The following CNTNAP2 variants were observed in gnomAD, a reference collection of about 807,000 sequenced individuals.
CNTNAP2 encodes the protein contactin-associated protein-like 2.
CNTNAP2 carries 98 observed loss-of-function variants against 155.2 expected under a neutral mutation model. The ratio of observed to expected loss-of-function variants is 0.63; its 90% CI spans 0.54 to 0.75. The LOEUF is 0.75. Among genes scored for constraint, CNTNAP2 ranks in the 30% least tolerant of loss-of-function variants. The pLI is 0.00. For synonymous variants in CNTNAP2, 651 were observed against 631.2 expected (o/e 1.03, Z -0.47); for missense variants, 1,727 against 1,688.1 (o/e 1.02, Z -0.40).
At chr7:146,132,132 G>A (rs1459811968) in intron 1 of CNTNAP2, among the ~76,000 whole-genome samples, 2 of 152,242 alleles carry the variant, frequency 1.3e-5, no homozygotes, top group African/African-American at 2.4e-5. Flanking sequence ...CTGTATCTCA[G>A]ATTGTATCTG....
intron 14 of CNTNAP2, among the ~76,000 whole-genome samples, chr7:147,965,600 A>G (rs7789579): frequency 0.1 from 15,627 of 151,496 alleles, 1,055 homozygotes; most frequent in African/African-American, 0.2. Context: ...ATAATATACC[A>G]CCTCACTCCC....
At chr7:147,648,176 G>A (rs1795397668) in intron 13 of CNTNAP2, among the ~76,000 whole-genome samples, 1 of 152,192 alleles carries the variant, frequency 6.6e-6, no homozygotes, top group African/African-American at 2.4e-5. Context: ...TTTATAAACT[G>A]AGAAGGAGAC....
intron 1 of CNTNAP2, among the ~76,000 whole-genome samples, chr7:146,257,849 T>C (rs967677775): frequency 6.6e-6 from 1 of 152,062 alleles, no homozygotes; most frequent in Non-Finnish European, 1.5e-5. Flanking sequence ...GTGCTATCTG[T>C]ACCTTTTTGT....
intron 1 of CNTNAP2, among the ~76,000 whole-genome samples, chr7:146,134,564 T>C (rs1426522299): frequency 6.7e-6 from 1 of 150,246 alleles, no homozygotes; most frequent in African/African-American, 2.4e-5. Context: ...AGATAGCTCT[T>C]ATTATTTTGA....
chr7:148,157,323 T>A (rs1410459393), intron 17 of CNTNAP2, among the ~76,000 whole-genome samples: 1 of 152,164 alleles, frequency 6.6e-6, no homozygotes, highest in Non-Finnish European at 1.5e-5. Flanking sequence ...CAATAACAAC[T>A]GGTCAATGGT....
At chr7:147,017,273 TA>T in intron 3 of CNTNAP2, among the ~76,000 whole-genome samples, 1 of 150,450 alleles carries the variant, frequency 6.6e-6, no homozygotes. Context: ...ACACACACGT[TA>T]TTTAACTGGA....
intron 10 of CNTNAP2, among the ~76,000 whole-genome samples, chr7:147,441,844 T>TCTCTCTCTCTCTCTCTCC (rs1797643592): frequency 1.5e-5 from 2 of 132,312 alleles, no homozygotes; most frequent in Non-Finnish European, 3.4e-5. Flanking sequence ...TCTCTCTCTC[T>TCTCTCTCTCTCTCTCTCC]CTCTCTCCCT....
At chr7:146,320,908 T>C (rs1800989244) in intron 1 of CNTNAP2, among the ~76,000 whole-genome samples, 1 of 151,466 alleles carries the variant, frequency 6.6e-6, no homozygotes, top group Non-Finnish European at 1.5e-5. Context: ...AAATATTGAG[T>C]ATTAAATAAA....
In CNTNAP2 at chr7:146,231,042, A is replaced by G. The variant is rs2539741; in HGVS notation, c.97+114069A>G. On this transcript the variant is annotated intron_variant, in intron 1 of 23. Coordinates refer to ENST00000361727, the MANE Select transcript of CNTNAP2 (RefSeq NM_014141.6). ...AATAAATAAATAAATAAATAAATAA[A>G]AAGTTAATATATTTAATATAGCTTG... Among the ~76,000 whole-genome samples, 113 of 150,448 alleles carry G rather than the reference A, an allele frequency of 7.5e-4. 1 individual carries two copies. The highest frequency in any genetic ancestry group is 4.2e-3 in the South Asian group (20 of 4,796).
At chr7:147,217,543 A>G (rs919319309) in intron 8 of CNTNAP2, among the ~76,000 whole-genome samples, 1 of 151,836 alleles carries the variant, frequency 6.6e-6, no homozygotes, top group Non-Finnish European at 1.5e-5. Flanking sequence ...ATATATTTGG[A>G]TTCAATTTGC....
intron 4 of CNTNAP2, among the ~76,000 whole-genome samples, chr7:147,079,419 A>G (rs999407931): frequency 1.3e-5 from 2 of 151,974 alleles, no homozygotes; most frequent in African/African-American, 2.4e-5. Context: ...GAAAAACAGT[A>G]TTCAAAAGAC....
intron 10 of CNTNAP2, among the ~76,000 whole-genome samples, chr7:147,416,913 AC>A (rs1243454481): frequency 3.3e-5 from 5 of 152,156 alleles, no homozygotes; most frequent in South Asian, 2.1e-4. Context: ...ACATGGTGAA[AC>A]CCCATCTCTA....
At chr7:148,258,958 A>G (rs1177886392) in intron 20 of CNTNAP2, among the ~76,000 whole-genome samples, 5 of 151,880 alleles carry the variant, frequency 3.3e-5, no homozygotes, top group South Asian at 2.1e-4. Context: ...CAGGCAGATC[A>G]CGAGGTCAGG....
chr7:146,125,890 T>C (rs1797629183), intron 1 of CNTNAP2, among the ~76,000 whole-genome samples: 1 of 152,202 alleles, frequency 6.6e-6, no homozygotes. Context: ...ATGAGTGTCC[T>C]TTTCTAGAAC....
At chr7:148,308,899 C>T (rs930749105) in intron 21 of CNTNAP2, among the ~76,000 whole-genome samples, 11 of 152,156 alleles carry the variant, frequency 7.2e-5, no homozygotes, top group South Asian at 2.1e-4. Context: ...CTGCAAAGGA[C>T]GTGAACTCAT....
chr7:148,248,251 T>A (rs1796308833), intron 20 of CNTNAP2, among the ~76,000 whole-genome samples: 1 of 151,382 alleles, frequency 6.6e-6, no homozygotes, highest in Non-Finnish European at 1.5e-5. Context: ...TAGGCTGGAG[T>A]GCAATGGCAC....
At chr7:147,909,911 A>G (rs1245024331) in intron 14 of CNTNAP2, among the ~76,000 whole-genome samples, 2 of 151,968 alleles carry the variant, frequency 1.3e-5, no homozygotes, top group Non-Finnish European at 2.9e-5. Context: ...ATTAGTCAGC[A>G]GTTCCCACCT....
chr7:148,289,596 CA>C (rs1469001560), intron 21 of CNTNAP2, among the ~76,000 whole-genome samples: 14 of 151,832 alleles, frequency 9.2e-5, no homozygotes, highest in Admixed American at 2.0e-4. Context: ...CACACACACA[CA>C]CACACCCCAT....
intron 2 of CNTNAP2, among the ~76,000 whole-genome samples, chr7:146,837,411 G>A (rs554680178): frequency 2.6e-4 from 40 of 151,594 alleles, no homozygotes; most frequent in Non-Finnish European, 4.0e-4. Flanking sequence ...TTTTGTTCTC[G>A]TTTGTTGCTT....
Sources: gnomAD v4.1 joint callset for allele counts (sites outside exome capture counted in the v4.1 genomes callset) on GRCh38, gnomAD v4.1.1 for gene constraint, MANE v1.5 for transcripts, NCBI Gene and HGNC (gene_info 2026-07-23, HGNC 2026-07-21) for gene names.